The following CTNND2 variants were observed in gnomAD, a reference collection of about 807,000 sequenced individuals.
CTNND2 encodes catenin delta-2.
In CTNND2, 22 loss-of-function variants were observed where a neutral mutation model predicts 144.4. The observed-to-expected ratio is 0.15, with a 90% confidence interval of 0.11 to 0.22. The LOEUF is 0.22. Ranked by LOEUF, CTNND2 falls within the 10% of genes least tolerant of loss-of-function variation. The probability of loss-of-function intolerance (pLI) is 1.00; values close to 1 mark genes in which losing one functional copy is unlikely to be tolerated. For synonymous variants in CTNND2, 751 were observed against 695.6 expected (o/e 1.08, Z -1.25); for missense variants, 1,353 against 1,618.8 (o/e 0.84, Z 2.82).
intron 7 of CTNND2, among the ~76,000 whole-genome samples, chr5:11,366,261 T>C (rs1176411271): frequency 1.3e-5 from 2 of 152,204 alleles, no homozygotes; most frequent in African/African-American, 2.4e-5. Flanking sequence ...AAATTGCCAA[T>C]AGAAAAATGT....
intron 2 of CTNND2, among the ~76,000 whole-genome samples, chr5:11,723,401 G>A (rs1786798226): frequency 6.6e-6 from 1 of 152,116 alleles, no homozygotes; most frequent in South Asian, 2.1e-4. Context: ...GGGGGCCTAG[G>A]ATTCATCAGT....
chr5:11,662,188 T>TATATATGTGTATATATGC (rs1561669019), intron 2 of CTNND2, among the ~76,000 whole-genome samples: 12 of 131,496 alleles, frequency 9.1e-5, no homozygotes, highest in African/African-American at 1.9e-4. Context: ...CATATATGTG[T>TATATATGTGTATATATGC]ATATATGTGT....
At chr5:11,137,407 A>G (rs1230486870) in intron 12 of CTNND2, among the ~76,000 whole-genome samples, 2 of 152,210 alleles carry the variant, frequency 1.3e-5, no homozygotes, top group East Asian at 3.8e-4. Flanking sequence ...GGAAAATACT[A>G]TAAATAGTAC....
At chr5:11,196,195 T>A (rs1736842083) in intron 11 of CTNND2, among the ~76,000 whole-genome samples, 1 of 152,234 alleles carries the variant, frequency 6.6e-6, no homozygotes, top group Non-Finnish European at 1.5e-5. Context: ...ACATCATAGG[T>A]TCTTCTGGAT....
intron 15 of CTNND2, among the ~76,000 whole-genome samples, chr5:11,084,855 T>G (rs962323017): frequency 3.9e-5 from 6 of 152,160 alleles, no homozygotes; most frequent in African/African-American, 1.4e-4. Context: ...CCTGTGCCCT[T>G]GACTCTGGGT....
At chr5:11,616,768 G>A (rs983232876) in intron 2 of CTNND2, among the ~76,000 whole-genome samples, 20 of 151,994 alleles carry the variant, frequency 1.3e-4, no homozygotes, top group African/African-American at 2.2e-4. Flanking sequence ...TACCACGCCC[G>A]GCTAAGTTTT....
intron 12 of CTNND2, among the ~76,000 whole-genome samples, chr5:11,158,066 C>T (rs1355746095): frequency 6.6e-6 from 1 of 152,186 alleles, no homozygotes; most frequent in Non-Finnish European, 1.5e-5. Flanking sequence ...CGAAGACATA[C>T]TTATGCTACT....
In CTNND2 at chr5:11,323,909, C is replaced by T. The variant is rs184274278; in HGVS notation, c.1628+22463G>A. On this transcript the variant is annotated intron_variant, in intron 9 of 21. Transcript: ENST00000304623. ...CCTAGCCAGGAACAGGATTCCCCAG[C>T]GAGGAATGGGGAATCACCCTTGCTT... 2.6e-3 allele frequency among the ~76,000 whole-genome samples: 394 copies of T among 152,108 alleles called. 1 individual carries two copies. Among genetic ancestry groups the T allele is most frequent in the Non-Finnish European group, 4.3e-3 (289 of 67,982 alleles).
chr5:11,451,927 G>A (rs924967291), intron 3 of CTNND2, among the ~76,000 whole-genome samples: 2 of 152,130 alleles, frequency 1.3e-5, no homozygotes, highest in Non-Finnish European at 2.9e-5. Flanking sequence ...CCAAATAAAC[G>A]CAGCTGGCAA....
intron 2 of CTNND2, among the ~76,000 whole-genome samples, chr5:11,601,701 A>T (rs1205698614): frequency 6.6e-6 from 1 of 152,124 alleles, no homozygotes; most frequent in African/African-American, 2.4e-5. Flanking sequence ...ATCACTTTTG[A>T]TCTTCTTAAT....
At chr5:11,378,294 C>A (rs1758134700) in intron 7 of CTNND2, among the ~76,000 whole-genome samples, 1 of 152,142 alleles carries the variant, frequency 6.6e-6, no homozygotes, top group South Asian at 2.1e-4. Flanking sequence ...GCAATGGGTT[C>A]CTAATGCTTA....
At chr5:11,809,648 C>T (rs1561816130) in intron 1 of CTNND2, among the ~76,000 whole-genome samples, 1 of 152,140 alleles carries the variant, frequency 6.6e-6, no homozygotes, top group African/African-American at 2.4e-5. Context: ...TGATTTATCA[C>T]CAGGCATAAA....
chr5:11,224,579 T>G (rs1428228783), intron 10 of CTNND2, among the ~76,000 whole-genome samples: 1 of 152,212 alleles, frequency 6.6e-6, no homozygotes, highest in Non-Finnish European at 1.5e-5. Flanking sequence ...TTCTTTTTCT[T>G]TGTGCTGACC....
At chr5:11,386,854 G>A (rs1283919347) in intron 6 of CTNND2, among the ~76,000 whole-genome samples, 2 of 152,144 alleles carry the variant, frequency 1.3e-5, no homozygotes, top group African/African-American at 4.8e-5. Context: ...CTTATATGTG[G>A]AGGATGGGTA....
At chr5:11,537,016 T>C (rs1229052669) in intron 3 of CTNND2, among the ~76,000 whole-genome samples, 1 of 151,900 alleles carries the variant, frequency 6.6e-6, no homozygotes, top group East Asian at 1.9e-4. Context: ...TTGTGTCCCA[T>C]CCGAGACCAA....
intron 11 of CTNND2, among the ~76,000 whole-genome samples, chr5:11,162,865 A>G (rs900167591): frequency 2.0e-5 from 3 of 150,746 alleles, no homozygotes; most frequent in Admixed American, 1.3e-4. Context: ...AACAACTGGG[A>G]ATTCCACATC....
At chr5:11,622,528 G>C (rs1008560848) in intron 2 of CTNND2, among the ~76,000 whole-genome samples, 3 of 152,140 alleles carry the variant, frequency 2.0e-5, no homozygotes, top group African/African-American at 7.2e-5. Flanking sequence ...AAGAGTTTTT[G>C]ATGATTTGGT....
At chr5:11,674,851 G>T (rs1400869055) in intron 2 of CTNND2, among the ~76,000 whole-genome samples, 1 of 152,008 alleles carries the variant, frequency 6.6e-6, no homozygotes, top group Admixed American at 6.6e-5. Flanking sequence ...TCAGCCTCCC[G>T]AGTAGCTGGG....
intron 7 of CTNND2, among the ~76,000 whole-genome samples, chr5:11,378,589 G>C (rs1561302479): frequency 6.6e-6 from 1 of 152,212 alleles, no homozygotes; most frequent in Admixed American, 6.5e-5. Context: ...ACTGCGCAAT[G>C]CTTGTCCACA....
Sources: allele counts gnomAD v4.1 joint callset (sites outside exome capture counted in the v4.1 genomes callset), GRCh38; gene constraint gnomAD v4.1.1; transcripts MANE v1.5; gene names NCBI Gene and HGNC (gene_info 2026-07-23, HGNC 2026-07-21).